TMEM178B: variants seen among roughly 807,000 people sequenced by gnomAD.
The protein encoded by TMEM178B is transmembrane protein 178B.
In TMEM178B, 5 loss-of-function variants were observed where a neutral mutation model predicts 31.0. The observed-to-expected ratio is 0.16, with a 90% confidence interval of 0.08 to 0.34. The LOEUF is 0.34. TMEM178B is among the 10% of genes least tolerant of loss of function. The probability of loss-of-function intolerance (pLI) is 1.00; values close to 1 mark genes in which losing one functional copy is unlikely to be tolerated. For synonymous variants in TMEM178B, 164 were observed against 164.0 expected (o/e 1.00, Z 0.00); for missense variants, 275 against 400.3 (o/e 0.69, Z 2.67).
At chr7:141,109,927 C>T (rs763708193) in intron 1 of TMEM178B, among the ~76,000 whole-genome samples, 8 of 151,458 alleles carry the variant, frequency 5.3e-5, no homozygotes, top group African/African-American at 1.5e-4. Context: ...GGTGATAGAG[C>T]GAGACTCTGT....
At chr7:141,320,584 G>T (rs1036360705) in intron 2 of TMEM178B, among the ~76,000 whole-genome samples, 1 of 152,090 alleles carries the variant, frequency 6.6e-6, no homozygotes, top group Non-Finnish European at 1.5e-5. Flanking sequence ...CACACCTGGA[G>T]GCTCAGGCCC....
chr7:141,326,645 G>GC (rs1245427278), intron 2 of TMEM178B, among the ~76,000 whole-genome samples: 7 of 152,168 alleles, frequency 4.6e-5, no homozygotes, highest in Non-Finnish European at 8.8e-5. Context: ...ACACAACGAT[G>GC]CCCCTTCATT....
intron 1 of TMEM178B, among the ~76,000 whole-genome samples, chr7:141,145,187 G>A (rs965166603): frequency 2.6e-5 from 4 of 152,160 alleles, no homozygotes; most frequent in Admixed American, 2.0e-4. Context: ...CCTTGGCTCT[G>A]CTCCCTCAGG....
intron 1 of TMEM178B, among the ~76,000 whole-genome samples, chr7:141,200,633 C>T (rs922950136): frequency 6.6e-6 from 1 of 152,066 alleles, no homozygotes; most frequent in African/African-American, 2.4e-5. Flanking sequence ...GTGGTGATGC[C>T]GGCAGAGTGA....
intron 2 of TMEM178B, among the ~76,000 whole-genome samples, chr7:141,219,483 G>A (rs1797220022): frequency 6.6e-6 from 1 of 152,244 alleles, no homozygotes; most frequent in African/African-American, 2.4e-5. Context: ...ATCCACAGGG[G>A]TCATCACTAG....
At chr7:141,194,057 A>G (rs1429853269) in intron 1 of TMEM178B, among the ~76,000 whole-genome samples, 2 of 152,186 alleles carry the variant, frequency 1.3e-5, no homozygotes, top group African/African-American at 2.4e-5. Context: ...CCATGATTCA[A>G]TTACCTCCCC....
At chr7:141,241,641 G>A (rs930946783) in intron 2 of TMEM178B, among the ~76,000 whole-genome samples, 8 of 149,760 alleles carry the variant, frequency 5.3e-5, no homozygotes, top group African/African-American at 2.0e-4. Context: ...CAGCTACCAA[G>A]GCTCCAGCAA....
chr7:141,242,225 G>A (rs1327091848), intron 2 of TMEM178B, among the ~76,000 whole-genome samples: 2 of 152,098 alleles, frequency 1.3e-5, no homozygotes, highest in Non-Finnish European at 2.9e-5. Context: ...ACAAAGTTGT[G>A]TTTAGTGGCA....
At chr7:141,494,842 G>A in the TMEM178B span, among the ~76,000 whole-genome samples, 12 of 152,160 alleles carry the variant, frequency 7.9e-5, no homozygotes, top group Non-Finnish European at 1.8e-4. Context: ...TAGGCGCTGA[G>A]ATAGTTATGG....
intron 2 of TMEM178B, among the ~76,000 whole-genome samples, chr7:141,319,073 TTAGAAG>T (rs2116470529): frequency 6.6e-6 from 1 of 152,336 alleles, no homozygotes; most frequent in Non-Finnish European, 1.5e-5. Flanking sequence ...AGCAGAAGGC[TTAGAAG>T]TAGCATAAAA....
At chr7:141,421,676 A>G (rs1801212686) in intron 2 of TMEM178B, among the ~76,000 whole-genome samples, 1 of 152,200 alleles carries the variant, frequency 6.6e-6, no homozygotes, top group South Asian at 2.1e-4. Flanking sequence ...CAATGTATAG[A>G]AAATTCTTAG....
At chr7:141,405,994 T>C (rs1355528542) in intron 2 of TMEM178B, among the ~76,000 whole-genome samples, 1 of 152,210 alleles carries the variant, frequency 6.6e-6, no homozygotes, top group East Asian at 1.9e-4. Context: ...TTATTTATTG[T>C]TTTTTATCTG....
chr7:141,392,468 A>G (rs1019149138), intron 2 of TMEM178B, among the ~76,000 whole-genome samples: 1 of 152,164 alleles, frequency 6.6e-6, no homozygotes, highest in African/African-American at 2.4e-5. Flanking sequence ...TTTGATTTTC[A>G]GTCATCCACT....
intron 3 of TMEM178B, among the ~76,000 whole-genome samples, chr7:141,451,857 T>C (rs1301843608): frequency 5.3e-5 from 8 of 152,066 alleles, no homozygotes; most frequent in Non-Finnish European, 1.0e-4. Flanking sequence ...TCTCTTGGAG[T>C]CTCTGTTCCC....
chr7:141,216,440 TGTGTGTGTGCGCGCGCGCGCGC>T (rs1210358541), intron 2 of TMEM178B, among the ~76,000 whole-genome samples: 1 of 73,070 alleles, frequency 1.4e-5, no homozygotes, highest in African/African-American at 4.1e-5. Context: ...TGTGTGTGTG[TGTGTGTGTGCGCGCGCGCGCGC>T]GTGTGTGTGT....
chr7:141,163,660 G>A (rs1317159916), intron 1 of TMEM178B, among the ~76,000 whole-genome samples: 6 of 151,930 alleles, frequency 3.9e-5, no homozygotes, highest in African/African-American at 1.5e-4. Flanking sequence ...GATTACAGGT[G>A]AGCGCCATCA....
intron 2 of TMEM178B, among the ~76,000 whole-genome samples, chr7:141,413,703 C>T (rs538461585): frequency 2.0e-5 from 3 of 152,336 alleles, no homozygotes; most frequent in South Asian, 4.1e-4. Context: ...TCTGCGCAGA[C>T]GATGCTGAAA....
chr7:141,438,361 G>C (rs1801589442), intron 3 of TMEM178B, among the ~76,000 whole-genome samples: 1 of 152,006 alleles, frequency 6.6e-6, no homozygotes, highest in African/African-American at 2.4e-5. Flanking sequence ...TGGGAATAGG[G>C]GTCCAGTCCA....
intron 2 of TMEM178B, among the ~76,000 whole-genome samples, chr7:141,217,148 A>G (rs975494626): frequency 5.9e-5 from 9 of 152,312 alleles, no homozygotes; most frequent in African/African-American, 1.4e-4. Context: ...TATGCTTTTC[A>G]TATCCCACAG....
Sources: gnomAD v4.1 joint callset for allele counts (sites outside exome capture counted in the v4.1 genomes callset) on GRCh38, gnomAD v4.1.1 for gene constraint, MANE v1.5 for transcripts, NCBI Gene and HGNC (gene_info 2026-07-23, HGNC 2026-07-21) for gene names.